IMMP2L: variants seen among roughly 807,000 people sequenced by gnomAD.
IMMP2L encodes inner mitochondrial membrane peptidase subunit 2.
A neutral mutation model predicts 19.3 loss-of-function variants in IMMP2L; 18 were observed. The observed-to-expected ratio is 0.93, with a 90% CI of 0.64 to 1.38. The LOEUF (loss-of-function observed/expected upper bound fraction) is 1.38. Among genes scored for constraint, IMMP2L ranks in the 40% most tolerant of loss-of-function variants. IMMP2L has a pLI of 0.00. For missense variants in IMMP2L, 233 were observed against 218.2 expected (o/e 1.07, Z -0.43); for synonymous variants, 76 against 73.0 (o/e 1.04, Z -0.21).
chr7:111,251,864 G>A (rs1048028652), intron 3 of IMMP2L, among the ~76,000 whole-genome samples: 3 of 151,666 alleles, frequency 2.0e-5, no homozygotes, highest in Non-Finnish European at 4.4e-5. Flanking sequence ...GTAACAAACT[G>A]CACACCCCCC....
intron 1 of IMMP2L, among the ~76,000 whole-genome samples, chr7:111,539,258 GAAAGAAAGAAAGA>G (rs1563331487): frequency 7.4e-4 from 106 of 142,808 alleles, no homozygotes; most frequent in African/African-American, 1.2e-3. Flanking sequence ...AAGAAAGAAA[GAAAGAAAGAAAGA>G]GAACATACGT....
intron 5 of IMMP2L, among the ~76,000 whole-genome samples, chr7:110,845,385 G>A (rs369291682): frequency 7.9e-5 from 12 of 152,074 alleles, no homozygotes; most frequent in African/African-American, 2.7e-4. Flanking sequence ...GAGCCTGCTC[G>A]TCTGTGTTTT....
At chr7:111,204,564 A>G (rs1810498137) in intron 3 of IMMP2L, among the ~76,000 whole-genome samples, 1 of 152,164 alleles carries the variant, frequency 6.6e-6, no homozygotes, top group Admixed American at 6.5e-5. Context: ...CTCTTTTCCC[A>G]TAAAAATTCT....
intron 3 of IMMP2L, among the ~76,000 whole-genome samples, chr7:111,029,848 C>T (rs1827221164): frequency 6.6e-6 from 1 of 152,104 alleles, no homozygotes; most frequent in South Asian, 2.1e-4. Flanking sequence ...AAAATTATTG[C>T]TAGTCAAACG....
intron 4 of IMMP2L, among the ~76,000 whole-genome samples, chr7:110,889,662 T>A (rs1190698185): frequency 6.6e-6 from 1 of 152,186 alleles, no homozygotes; most frequent in Non-Finnish European, 1.5e-5. Context: ...CCAACTGGGC[T>A]GAAACGAAGG....
At chr7:111,332,897 A>G (rs780022463) in intron 3 of IMMP2L, among the ~76,000 whole-genome samples, 1 of 152,110 alleles carries the variant, frequency 6.6e-6, no homozygotes, top group Non-Finnish European at 1.5e-5. Context: ...AATACTGTCA[A>G]CTTGATTGGA....
intron 5 of IMMP2L, among the ~76,000 whole-genome samples, chr7:110,703,604 A>T (rs539142830): frequency 6.6e-5 from 10 of 152,168 alleles, no homozygotes; most frequent in Non-Finnish European, 1.5e-4. Flanking sequence ...GCCTTGTAGA[A>T]ATAATGTTGT....
chr7:111,165,824 C>T (rs967146419), intron 3 of IMMP2L, among the ~76,000 whole-genome samples: 2 of 151,990 alleles, frequency 1.3e-5, no homozygotes, highest in African/African-American at 4.8e-5. Flanking sequence ...GCAGCTCTGC[C>T]TTCTACCATT....
chr7:110,737,907 C>A lies in IMMP2L; in HGVS notation c.409-74186G>T, dbSNP rs1418336415. On this transcript the variant is annotated intron_variant, in intron 5 of 5. Coordinates refer to ENST00000405709, the MANE Select transcript of IMMP2L (RefSeq NM_032549.4). ...GAGTCTTTGTAGACCCTCGCTAGTA[C>A]CAGCCTGGAACCTGGTAGCTCTGCT... 2.0e-5 allele frequency among the ~76,000 whole-genome samples: 3 copies of A among 152,172 alleles called. No homozygotes were observed. In the East Asian group the frequency reaches 5.8e-4, roughly 29 times the overall value.
chr7:111,331,767 T>C (rs1825900822), intron 3 of IMMP2L, among the ~76,000 whole-genome samples: 1 of 151,564 alleles, frequency 6.6e-6, no homozygotes, highest in Admixed American at 6.6e-5. Flanking sequence ...CTCCAGGAAA[T>C]AAAGGGAAAT....
At chr7:111,013,031 G>A (rs957145497) in intron 3 of IMMP2L, among the ~76,000 whole-genome samples, 1 of 152,102 alleles carries the variant, frequency 6.6e-6, no homozygotes, top group African/African-American at 2.4e-5. Flanking sequence ...ATAGCAGTGA[G>A]CTAGATTGGT....
intron 4 of IMMP2L, among the ~76,000 whole-genome samples, chr7:110,907,069 T>G (rs1812539117): frequency 6.6e-6 from 1 of 151,284 alleles, no homozygotes; most frequent in African/African-American, 2.4e-5. Context: ...GGGATGGGGG[T>G]TGGGGGTGCC....
chr7:111,193,645 C>T (rs953092673), intron 3 of IMMP2L, among the ~76,000 whole-genome samples: 3 of 152,060 alleles, frequency 2.0e-5, no homozygotes, highest in African/African-American at 7.2e-5. Context: ...TCCAGAGATG[C>T]TGACCAGAGA....
intron 3 of IMMP2L, among the ~76,000 whole-genome samples, chr7:111,302,081 A>T (rs906052419): frequency 6.6e-6 from 1 of 152,012 alleles, no homozygotes; most frequent in African/African-American, 2.4e-5. Context: ...GTCAGTACCC[A>T]TTAGCATCAC....
chr7:110,663,303 T>C lies in IMMP2L; in HGVS notation c.*299A>G. ...TATAATAAGTATATGTAACAAATAA[T>C]CTGAAATTCAGCCCCATTAAGACAT... is the stretch of plus-strand genomic sequence containing the variant. On this transcript the variant is annotated 3_prime_UTR_variant, in exon 6 of 6. Transcript: ENST00000405709. The C allele has an allele frequency of 4.2e-6, 1 of 237,158 alleles. No individual in the cohort carries two copies. The allele number at this position is 237,158 out of a possible 1,614,324, so 14.7% of individuals were successfully genotyped here.
At position 110,803,479 on chromosome 7, in the gene IMMP2L, A is replaced by G. The variant is rs1584879521; in HGVS notation, c.408+83114T>C. 6.6e-6 allele frequency among the ~76,000 whole-genome samples: 1 copy of G among 152,114 alleles called. No individual in the cohort carries two copies. Among genetic ancestry groups the G allele is most frequent in the African/African-American group, 2.4e-5 (1 of 41,442 alleles). On this transcript the variant is annotated intron_variant, in intron 5 of 5. Transcript: ENST00000405709. The surrounding 1 kb of genome is among the most constrained non-coding windows in gnomAD (Gnocchi z 4.2). ...TTTAAGATGTTTATAGAGAGTAGGA[A>G]TCAATGGGATCAATGTGTACACAGG...
At chr7:111,420,054 T>A (rs1284370848) in intron 3 of IMMP2L, among the ~76,000 whole-genome samples, 2 of 151,880 alleles carry the variant, frequency 1.3e-5, no homozygotes, top group African/African-American at 4.9e-5. Context: ...GTCATTGAAC[T>A]GTACACTTAA....
chr7:111,339,456 A>C (rs1320790708), intron 3 of IMMP2L, among the ~76,000 whole-genome samples: 1 of 151,998 alleles, frequency 6.6e-6, no homozygotes, highest in East Asian at 1.9e-4. Flanking sequence ...CCCTACATAA[A>C]TATATAGAAC....
chr7:111,000,593 C>T (rs1047129405), intron 3 of IMMP2L, among the ~76,000 whole-genome samples: 1 of 152,110 alleles, frequency 6.6e-6, no homozygotes, highest in African/African-American at 2.4e-5. Flanking sequence ...CCTGTAATCC[C>T]AGTGCTTTGG....
Sources: gnomAD v4.1 joint callset for allele counts (sites outside exome capture counted in the v4.1 genomes callset) on GRCh38, gnomAD v4.1.1 for gene constraint, Gnocchi (gnomAD v3.1) non-coding constraint, MANE v1.5 for transcripts, NCBI Gene and HGNC (gene_info 2026-07-23, HGNC 2026-07-21) for gene names.